The following ZNF804A variants were observed in gnomAD, a reference collection of about 807,000 sequenced individuals.
ZNF804A encodes zinc finger protein 804A.
A neutral mutation model predicts 16.5 loss-of-function variants in ZNF804A; 2 were observed. The ratio of observed to expected loss-of-function variants is 0.12; its 90% CI spans 0.05 to 0.38. The LOEUF (loss-of-function observed/expected upper bound fraction) is 0.38. Ranked by LOEUF, ZNF804A falls within the 10% of genes least tolerant of loss-of-function variation. The probability of loss-of-function intolerance (pLI) is 0.99; values close to 1 mark genes in which losing one functional copy is unlikely to be tolerated. For synonymous variants in ZNF804A, 534 were observed against 489.6 expected (o/e 1.09, Z -1.20); for missense variants, 1,473 against 1,390.7 (o/e 1.06, Z -0.94).
intron 1 of ZNF804A, among the ~76,000 whole-genome samples, chr2:184,624,185 TA>T (rs1279692666): frequency 6.6e-6 from 1 of 152,072 alleles, no homozygotes; most frequent in East Asian, 1.9e-4. Context: ...GTAATGTTGA[TA>T]AAAAATACTA....
intron 2 of ZNF804A, among the ~76,000 whole-genome samples, chr2:184,919,992 G>A (rs903533839): frequency 4.6e-5 from 7 of 152,154 alleles, no homozygotes; most frequent in African/African-American, 1.7e-4. Flanking sequence ...GCATGTGCAT[G>A]TAGTTCCATC....
Position 184,821,079 on chromosome 2 carries a change from A to G in ZNF804A, c.112-45290A>G, listed in dbSNP as rs567414784. ...TAGAATAAATTATTTTAAAATTCAT[A>G]TGGAACCAAGAAAGAGCCCAAATAG... On this transcript the variant is annotated intron_variant, in intron 1 of 3. Coordinates refer to ENST00000302277, the MANE Select transcript of ZNF804A (RefSeq NM_194250.2). Among the ~76,000 whole-genome samples, 40 of 152,308 alleles carry G rather than the reference A, an allele frequency of 2.6e-4. No individual in the cohort carries two copies. The South Asian group carries it at 7.2e-3, about 28-fold the overall frequency.
chr2:184,794,679 C>T (rs371124009), intron 1 of ZNF804A, among the ~76,000 whole-genome samples: 33 of 151,996 alleles, frequency 2.2e-4, no homozygotes, highest in African/African-American at 7.0e-4. Context: ...TGAATGTAAG[C>T]GGCCTAAATG....
At chr2:184,708,709 A>G (rs1245237250) in intron 1 of ZNF804A, among the ~76,000 whole-genome samples, 1 of 152,154 alleles carries the variant, frequency 6.6e-6, no homozygotes, top group Non-Finnish European at 1.5e-5. Context: ...TAGTCTTACA[A>G]TCTATGACAA....
In ZNF804A at chr2:184,604,146, CTTTTTTTTTTTTTTTTTTTTTTTT is replaced by C. The variant is rs759053144; in HGVS notation, c.111+5094_111+5117del. Among the ~76,000 whole-genome samples, 51 of 44,896 alleles carry C rather than the reference CTTTTTTTTTTTTTTTTTTTTTTTT, an allele frequency of 1.1e-3. 1 individual carries two copies. The highest frequency in any genetic ancestry group is 4.3e-3 in the South Asian group (3 of 702). The allele number at this position is 44,896 out of a possible 152,430, so 29.5% of individuals were successfully genotyped here. A position where few individuals can be genotyped will look rare whatever the true frequency, so the allele number is the denominator to read the frequency against. On this transcript the variant is annotated intron_variant, in intron 1 of 3. Coordinates refer to ENST00000302277, the MANE Select transcript of ZNF804A (RefSeq NM_194250.2). ...TTCAGGTTATGGATGACTGCAATTACTTTTTTTTTTTTTTTTTTTTTTTTTTTTTTTTTTTTTTTTTGAGACGGA... is the reference window on the plus strand; with the variant it reads ...TTCAGGTTATGGATGACTGCAATTACTTTTTTTTTTTTTTTTTGAGACGGA...
intron 2 of ZNF804A, among the ~76,000 whole-genome samples, chr2:184,892,579 G>A (rs890636490): frequency 8.3e-5 from 12 of 143,746 alleles, no homozygotes; most frequent in African/African-American, 2.8e-4. Flanking sequence ...CCGCCTCCAA[G>A]GTTCAAGCGA....
intron 2 of ZNF804A, among the ~76,000 whole-genome samples, chr2:184,881,204 C>T (rs1684805721): frequency 6.6e-6 from 1 of 151,890 alleles, no homozygotes; most frequent in South Asian, 2.1e-4. Flanking sequence ...TTAACTCAGT[C>T]AGACAAAAAT....
chr2:184,812,089 TAGTC>T (rs1694910576), intron 1 of ZNF804A, among the ~76,000 whole-genome samples: 1 of 152,236 alleles, frequency 6.6e-6, no homozygotes, highest in African/African-American at 2.4e-5. Flanking sequence ...TGGCAAACCA[TAGTC>T]AGTTTCTTTA....
At chr2:184,922,206 G>A (rs528515542) in intron 2 of ZNF804A, among the ~76,000 whole-genome samples, 13 of 152,068 alleles carry the variant, frequency 8.5e-5, no homozygotes, top group Admixed American at 4.6e-4. Context: ...GTACAAATTT[G>A]CATTCTTCCT....
chr2:184,630,293 C>T (rs2105686089), intron 1 of ZNF804A, among the ~76,000 whole-genome samples: 1 of 152,164 alleles, frequency 6.6e-6, no homozygotes, highest in African/African-American at 2.4e-5. Context: ...TACGGAAGTC[C>T]AGAGAGAGAC....
intron 1 of ZNF804A, among the ~76,000 whole-genome samples, chr2:184,643,746 G>A (rs978025897): frequency 1.1e-4 from 16 of 151,054 alleles, no homozygotes; most frequent in South Asian, 2.1e-4. Flanking sequence ...ATATAGACAT[G>A]TATAAATATA....
Position 184,939,075 on chromosome 2 carries a change from T to A in ZNF804A, c.*49T>A. Reference sequence around the variant, plus strand: ...TACTCTTGTGAAAACTATTGCTATATGCGTTAAGTGTTCATCTATGTGGGT... The same window carrying A: ...TACTCTTGTGAAAACTATTGCTATAAGCGTTAAGTGTTCATCTATGTGGGT... On this transcript the variant is annotated 3_prime_UTR_variant, in exon 4 of 4. Coordinates refer to ENST00000302277, the MANE Select transcript of ZNF804A (RefSeq NM_194250.2). The A allele has an allele frequency of 6.3e-7, 1 of 1,579,528 alleles. No individual in the cohort carries two copies. Among genetic ancestry groups the A allele is most frequent in the Non-Finnish European group, 8.6e-7 (1 of 1,160,250 alleles).
rs1299265021 is a variant in ZNF804A at position 184,937,572 on chromosome 2, A to G, written c.2176A>G (p.Lys726Glu). 1 of 1,612,176 alleles carries G rather than the reference A, an allele frequency of 6.2e-7. No individual in the cohort carries two copies. Among genetic ancestry groups the G allele is most frequent in the Non-Finnish European group, 8.5e-7 (1 of 1,179,508 alleles). ...ATATTCTAGAACTTACTGTTGTTGG[A>G]AAACCAAAATGTCAAGCTGTAGTCA... ...LTYSRTYCCWKTKMSSCSQDH... is the reference protein window; with the variant it reads ...LTYSRTYCCWETKMSSCSQDH... Residue 726 changes from lysine (K) to glutamate (E), a missense_variant, in exon 4 of 4, where the codon AAA (lysine) becomes GAA (glutamate). Lys to Glu is a moderately conservative substitution (Grantham distance 56, BLOSUM62 1). Transcript: ENST00000302277.
At chr2:184,736,289 A>G (rs1693611192) in intron 1 of ZNF804A, among the ~76,000 whole-genome samples, 1 of 152,078 alleles carries the variant, frequency 6.6e-6, no homozygotes, top group African/African-American at 2.4e-5. Flanking sequence ...TCTTGAAAAT[A>G]TTTTTGTTCG....
intron 1 of ZNF804A, among the ~76,000 whole-genome samples, chr2:184,752,179 C>T (rs376902825): frequency 6.6e-6 from 1 of 151,402 alleles, no homozygotes; most frequent in African/African-American, 2.4e-5. Flanking sequence ...CACCTGTCCT[C>T]ATATGTTCAT....
At chr2:184,727,007 T>C (rs571764734) in intron 1 of ZNF804A, among the ~76,000 whole-genome samples, 2 of 151,734 alleles carry the variant, frequency 1.3e-5, no homozygotes, top group East Asian at 3.9e-4. Flanking sequence ...AATTGGAAAA[T>C]AGTCTCCTTG....
chr2:184,703,813 TTTAAC>T (rs1692973810), intron 1 of ZNF804A, among the ~76,000 whole-genome samples: 1 of 151,876 alleles, frequency 6.6e-6, no homozygotes, highest in African/African-American at 2.4e-5. Context: ...ATGAGGCACA[TTTAAC>T]TTATAAAAAA....
intron 1 of ZNF804A, among the ~76,000 whole-genome samples, chr2:184,677,802 A>AT: frequency 6.6e-6 from 1 of 152,174 alleles, no homozygotes; most frequent in Non-Finnish European, 1.5e-5. Flanking sequence ...TTTAAATTCT[A>AT]TATTTATTGC....
chr2:184,653,823 A>C (rs1020429638), intron 1 of ZNF804A, among the ~76,000 whole-genome samples: 2 of 152,146 alleles, frequency 1.3e-5, no homozygotes, highest in Non-Finnish European at 2.9e-5. Context: ...GTCCATGCCC[A>C]TTGGCCCCAG....
Sources: allele counts gnomAD v4.1 joint callset (sites outside exome capture counted in the v4.1 genomes callset), GRCh38; gene constraint gnomAD v4.1.1; transcripts MANE v1.5; gene names NCBI Gene and HGNC (gene_info 2026-07-23, HGNC 2026-07-21).